Variants in PLXDC2 observed in about 807,000 individuals in gnomAD.
The protein encoded by PLXDC2 is plexin domain-containing protein 2.
PLXDC2 carries 40 observed loss-of-function variants against 68.9 expected under a neutral mutation model. The observed-to-expected ratio is 0.58, with a 90% CI of 0.45 to 0.76. The LOEUF (loss-of-function observed/expected upper bound fraction) is 0.76. PLXDC2 is among the 30% of genes least tolerant of loss of function. The probability of loss-of-function intolerance (pLI) is 0.00; values close to 1 mark genes in which losing one functional copy is unlikely to be tolerated. For synonymous variants in PLXDC2, 243 were observed against 234.2 expected, an observed-to-expected ratio of 1.04 and a Z score of -0.34; for missense variants, 644 against 661.9, an observed-to-expected ratio of 0.97 and a Z score of 0.30.
intron 1 of PLXDC2, among the ~76,000 whole-genome samples, chr10:19,889,568 A>G (rs910713626): frequency 1.3e-5 from 2 of 152,252 alleles, no homozygotes; most frequent in South Asian, 2.1e-4. Context: ...TATAAAATGG[A>G]GTGTTATTTT....
intron 1 of PLXDC2, among the ~76,000 whole-genome samples, chr10:19,873,147 G>T (rs2131344410): frequency 6.6e-6 from 1 of 152,284 alleles, no homozygotes; most frequent in East Asian, 1.9e-4. Context: ...TTTGTCCATG[G>T]AGTTCCCAGA....
At chr10:20,268,804 C>T (rs1044241601) in intron 13 of PLXDC2, among the ~76,000 whole-genome samples, 2 of 152,218 alleles carry the variant, frequency 1.3e-5, no homozygotes, top group South Asian at 2.1e-4. Context: ...ACCAGTGCAG[C>T]ACTATCTTGT....
rs76643358 is a variant in PLXDC2, at chr10:19,871,677, C to T, written c.112+54486C>T. The stretch of plus-strand genomic sequence containing the variant: ...AGTGGATCACGTGAGGTCAGGAGTA[C>T]GAGACTAGCCTGGCCAGTCTCTACT... On this transcript the variant is annotated intron_variant, in intron 1 of 13. Transcript: ENST00000377252. 1.3e-3 allele frequency among the ~76,000 whole-genome samples: 194 copies of T among 151,970 alleles called. 1 individual carries two copies. Among genetic ancestry groups the T allele is most frequent in the South Asian group, 5.0e-3 (24 of 4,810 alleles).
chr10:19,972,203 A>G (rs931182578), intron 1 of PLXDC2, among the ~76,000 whole-genome samples: 1 of 152,216 alleles, frequency 6.6e-6, no homozygotes, highest in Non-Finnish European at 1.5e-5. Context: ...CTGGCTGCTT[A>G]TCAGTGTTGG....
intron 1 of PLXDC2, among the ~76,000 whole-genome samples, chr10:19,974,341 C>A (rs528098387): frequency 1.4e-4 from 22 of 152,306 alleles, no homozygotes; most frequent in African/African-American, 5.3e-4. Flanking sequence ...GTTCCACAAC[C>A]AGCTGGTGGT....
At chr10:20,073,193 A>G (rs1379392648) in intron 4 of PLXDC2, among the ~76,000 whole-genome samples, 1 of 152,204 alleles carries the variant, frequency 6.6e-6, no homozygotes, top group Non-Finnish European at 1.5e-5. Flanking sequence ...ATATGTTTTC[A>G]TGGTGAATCC....
chr10:19,859,048 G>A (rs1195746291), intron 1 of PLXDC2, among the ~76,000 whole-genome samples: 1 of 150,250 alleles, frequency 6.7e-6, no homozygotes, highest in African/African-American at 2.5e-5. Context: ...GAGAGAGAGA[G>A]CGAGGGAGAG....
intron 1 of PLXDC2, among the ~76,000 whole-genome samples, chr10:19,976,341 G>A (rs1289164083): frequency 6.6e-6 from 1 of 152,058 alleles, no homozygotes; most frequent in Admixed American, 6.5e-5. Flanking sequence ...AGCCTCCCGA[G>A]TAGCTGGAAT....
At chr10:19,916,907 G>A (rs1025708301) in intron 1 of PLXDC2, among the ~76,000 whole-genome samples, 19 of 152,204 alleles carry the variant, frequency 1.2e-4, no homozygotes, top group African/African-American at 4.6e-4. Flanking sequence ...ATGCAGAGCA[G>A]AGATTTTTGT....
chr10:20,044,235 T>G lies in PLXDC2; in HGVS notation c.325-2634T>G, dbSNP rs1158929340. On this transcript the variant is annotated intron_variant, in intron 2 of 13. Coordinates refer to ENST00000377252, the MANE Select transcript of PLXDC2 (RefSeq NM_032812.9). ...TGTCTTTCTTTCTTTCTTTCTTTCT[T>G]TCTTTCTTTCTTTCTTTCTTTCTTT... 1.7e-3 allele frequency among the ~76,000 whole-genome samples: 148 copies of G among 89,602 alleles called. 5 individuals are homozygous for G. The highest frequency in any genetic ancestry group is 6.6e-3 in the African/African-American group (119 of 18,154). 58.8% of individuals were successfully genotyped at this position (89,602 alleles called of 152,430 possible).
At chr10:19,934,737 C>G (rs959857781) in intron 1 of PLXDC2, among the ~76,000 whole-genome samples, 1 of 152,182 alleles carries the variant, frequency 6.6e-6, no homozygotes, top group Non-Finnish European at 1.5e-5. Flanking sequence ...CTATCCAATG[C>G]AGTGCCTAAC....
intron 1 of PLXDC2, among the ~76,000 whole-genome samples, chr10:19,861,847 G>T (rs1837324756): frequency 6.6e-6 from 1 of 152,090 alleles, no homozygotes; most frequent in Admixed American, 6.6e-5. Flanking sequence ...GAAGTTGATG[G>T]CTGGAACTCT....
chr10:19,951,715 A>G (rs563805120), intron 1 of PLXDC2, among the ~76,000 whole-genome samples: 1 of 152,332 alleles, frequency 6.6e-6, no homozygotes, highest in Admixed American at 6.5e-5. Flanking sequence ...TCGTTGCAGC[A>G]CTATTCATAG....
At chr10:20,249,859 A>G (rs912895803) in intron 13 of PLXDC2, among the ~76,000 whole-genome samples, 2 of 152,196 alleles carry the variant, frequency 1.3e-5, no homozygotes, top group Admixed American at 1.3e-4. Context: ...AGTTTCAATT[A>G]TATTAAAATG....
chr10:19,846,937 G>A (rs1192799840), intron 1 of PLXDC2, among the ~76,000 whole-genome samples: 2 of 152,142 alleles, frequency 1.3e-5, no homozygotes, highest in Non-Finnish European at 2.9e-5. Context: ...CGTCTTACAC[G>A]GCAGCGGGCA....
At chr10:20,063,055 C>T (rs1836133587) in intron 3 of PLXDC2, among the ~76,000 whole-genome samples, 1 of 151,746 alleles carries the variant, frequency 6.6e-6, no homozygotes, top group South Asian at 2.1e-4. Flanking sequence ...AACATCTCAC[C>T]TATTTGAGAG....
At chr10:19,861,578 G>A (rs1461561205) in intron 1 of PLXDC2, among the ~76,000 whole-genome samples, 1 of 152,204 alleles carries the variant, frequency 6.6e-6, no homozygotes, top group Non-Finnish European at 1.5e-5. Flanking sequence ...TCCCCTAAAT[G>A]AGTTGAGTTC....
chr10:19,954,626 G>A (rs960252129), intron 1 of PLXDC2, among the ~76,000 whole-genome samples: 6 of 151,592 alleles, frequency 4.0e-5, no homozygotes, highest in East Asian at 1.9e-4. Context: ...GAATTATTTC[G>A]GACTGACTAA....
At chr10:19,919,196 C>G (rs142713964) in intron 1 of PLXDC2, among the ~76,000 whole-genome samples, 7 of 152,274 alleles carry the variant, frequency 4.6e-5, no homozygotes, top group Middle Eastern at 3.4e-3. Context: ...TTGAAAACTG[C>G]TTTTCAATTA....
Sources: gnomAD v4.1 joint callset for allele counts (sites outside exome capture counted in the v4.1 genomes callset) on GRCh38, gnomAD v4.1.1 for gene constraint, MANE v1.5 for transcripts, NCBI Gene and HGNC (gene_info 2026-07-23, HGNC 2026-07-21) for gene names.